C6orf163: variants seen among roughly 807,000 people sequenced by gnomAD.
C6orf163 encodes chromosome 6 open reading frame 163.
C6orf163 carries 22 observed loss-of-function variants against 28.4 expected under a neutral mutation model. The observed-to-expected ratio is 0.78, with a 90% CI of 0.55 to 1.11. The LOEUF is 1.11. C6orf163 is among the 50% of genes least tolerant of loss of function. The pLI is 0.00. For synonymous variants in C6orf163, 110 were observed against 123.6 expected (o/e 0.89, Z 0.73); for missense variants, 342 against 389.1 (o/e 0.88, Z 1.02).
chr6:87,348,983 A>G (rs1777372097), intron 2 of C6orf163, 77 bp downstream of exon 2: 3 of 1,510,830 alleles, frequency 2.0e-6, no homozygotes, highest in Non-Finnish European at 2.6e-6. Context: ...AAACAATTGT[A>G]TAGTGTAGTA....
chr6:87,360,640 A>T (rs1215318288), intron 4 of C6orf163, among the ~76,000 whole-genome samples: 1 of 152,000 alleles, frequency 6.6e-6, no homozygotes, highest in Non-Finnish European at 1.5e-5. Flanking sequence ...ACTTCAAGTG[A>T]TCCACTTGCT....
intron 2 of C6orf163, among the ~76,000 whole-genome samples, chr6:87,349,410 C>T (rs1458576872): frequency 1.3e-5 from 2 of 152,160 alleles, no homozygotes; most frequent in Non-Finnish European, 2.9e-5. Flanking sequence ...CCTCCCCTCT[C>T]TCCCAAATCC....
intron 1 of C6orf163, among the ~76,000 whole-genome samples, chr6:87,345,569 C>T (rs1777309725): frequency 6.6e-6 from 1 of 151,990 alleles, no homozygotes; most frequent in African/African-American, 2.4e-5. Flanking sequence ...TTCATTTTGC[C>T]CTTGGCCATA....
intron 4 of C6orf163, among the ~76,000 whole-genome samples, chr6:87,361,766 T>G (rs1777583469): frequency 6.6e-6 from 1 of 152,172 alleles, no homozygotes; most frequent in South Asian, 2.1e-4. Context: ...TTGGTTTTGA[T>G]TCCTCTTTTT....
chr6:87,360,802 C>T (rs1777569280), intron 4 of C6orf163, among the ~76,000 whole-genome samples: 2 of 152,182 alleles, frequency 1.3e-5, no homozygotes, highest in Admixed American at 1.3e-4. Flanking sequence ...GTCTGTATTA[C>T]CCACTTATTC....
Position 87,365,406 on chromosome 6 carries a change from GT to G in C6orf163, c.*12del. 2 of 1,458,692 alleles carry G rather than the reference GT, an allele frequency of 1.4e-6. No individual in the cohort carries two copies. The highest frequency in any genetic ancestry group is 1.8e-6 in the Non-Finnish European group (2 of 1,084,644). The allele number at this position is 1,458,692 out of a possible 1,614,324, so 90.4% of individuals were successfully genotyped here. ...AACAACTCTTGATTAGAAGTCTTCA[GT>G]TGAAATTCCACTACAAAAGACATCA... On this transcript the variant is annotated 3_prime_UTR_variant, in exon 5 of 5. Transcript: ENST00000388923.
chr6:87,360,369 C>T (rs1777564137), intron 4 of C6orf163, among the ~76,000 whole-genome samples: 1 of 150,608 alleles, frequency 6.6e-6, no homozygotes, highest in Non-Finnish European at 1.5e-5. Flanking sequence ...AAATATTTCG[C>T]TTATGTTAAG....
chr6:87,351,986 T>G (rs550166240), intron 3 of C6orf163, among the ~76,000 whole-genome samples: 1 of 152,324 alleles, frequency 6.6e-6, no homozygotes, highest in East Asian at 1.9e-4. Flanking sequence ...CACATGCTAG[T>G]CTTTCTTTAA....
intron 3 of C6orf163, among the ~76,000 whole-genome samples, chr6:87,354,399 A>C (rs1453651516): frequency 6.6e-6 from 1 of 152,228 alleles, no homozygotes; most frequent in Non-Finnish European, 1.5e-5. Context: ...AACTTCAACA[A>C]TTATTAAATG....
chr6:87,357,103 A>G (rs1412775259), intron 4 of C6orf163: 1 of 154,026 alleles, frequency 6.5e-6, no homozygotes, highest in Non-Finnish European at 1.4e-5. Context: ...TATTTTAAAC[A>G]ATAGAGTCTA....
chr6:87,347,257 A>G (rs1777338809), intron 1 of C6orf163: 1 of 276,220 alleles, frequency 3.6e-6, no homozygotes, highest in South Asian at 1.4e-4. Context: ...CACTCAGCAC[A>G]ATGCCCTTGA....
At chr6:87,353,301 A>T (rs941960199) in intron 3 of C6orf163, among the ~76,000 whole-genome samples, 9 of 152,294 alleles carry the variant, frequency 5.9e-5, no homozygotes, top group African/African-American at 1.9e-4. Flanking sequence ...TTTAAAAATG[A>T]CTGAAAGAGT....
At chr6:87,352,186 C>CTT (rs1189509261) in intron 3 of C6orf163, among the ~76,000 whole-genome samples, 1 of 152,116 alleles carries the variant, frequency 6.6e-6, no homozygotes, top group Non-Finnish European at 1.5e-5. Flanking sequence ...AATGATTTGT[C>CTT]TAAGAGTAGT....
At chr6:87,363,502 C>G (rs1364039402) in intron 4 of C6orf163, among the ~76,000 whole-genome samples, 1 of 151,972 alleles carries the variant, frequency 6.6e-6, no homozygotes, top group African/African-American at 2.4e-5. Flanking sequence ...CCCGCTCCCC[C>G]CACCCCACAA....
intron 4 of C6orf163, among the ~76,000 whole-genome samples, chr6:87,362,419 G>A (rs1252360679): frequency 6.6e-6 from 1 of 152,216 alleles, no homozygotes; most frequent in Non-Finnish European, 1.5e-5. Context: ...GGAGGTTGCA[G>A]TGAGCCAAGA....
intron 4 of C6orf163, among the ~76,000 whole-genome samples, chr6:87,360,124 C>G (rs1436027330): frequency 6.6e-6 from 1 of 152,180 alleles, no homozygotes; most frequent in Non-Finnish European, 1.5e-5. Context: ...TGGCCCTGCT[C>G]CTCCTCTGTG....
chr6:87,359,779 C>T (rs190858544), intron 4 of C6orf163, among the ~76,000 whole-genome samples: 8 of 152,192 alleles, frequency 5.3e-5, no homozygotes, highest in Non-Finnish European at 1.0e-4. Flanking sequence ...ACACACACTA[C>T]AACTATTTTG....
chr6:87,357,559 T>G (rs1283466953), intron 4 of C6orf163: 2 of 152,218 alleles, frequency 1.3e-5, no homozygotes, highest in East Asian at 3.8e-4. Flanking sequence ...TGTGACAGTT[T>G]AACTGGTACC....
chr6:87,357,190 A>G (rs1436598550), intron 4 of C6orf163: 2 of 152,178 alleles, frequency 1.3e-5, no homozygotes, highest in African/African-American at 2.4e-5. Flanking sequence ...ACATATATAT[A>G]TTTTAAGAAA....
Sources: allele counts gnomAD v4.1 joint callset (sites outside exome capture counted in the v4.1 genomes callset), GRCh38; gene constraint gnomAD v4.1.1; transcripts MANE v1.5; gene names NCBI Gene and HGNC (gene_info 2026-07-23, HGNC 2026-07-21).